The following EP300 variants were observed in gnomAD, a reference collection of about 807,000 sequenced individuals.
EP300 encodes the protein EP300 lysine acetyltransferase.
In EP300, 31 loss-of-function variants were observed where a neutral mutation model predicts 264.0. The observed-to-expected ratio is 0.12, with a 90% CI of 0.09 to 0.16. The LOEUF is 0.16. EP300 is among the 10% of genes least tolerant of loss of function. The pLI, the probability that EP300 is intolerant of heterozygous loss-of-function variation, is 1.00. For missense variants in EP300, 2,766 were observed against 3,052.9 expected (o/e 0.91, Z 2.21); for synonymous variants, 1,340 against 1,045.4 (o/e 1.28, Z -5.44).
intron 6 of EP300, among the ~76,000 whole-genome samples, chr22:41,132,751 T>G (rs2058927795): frequency 1.3e-5 from 2 of 152,138 alleles, no homozygotes; most frequent in Non-Finnish European, 2.9e-5. Flanking sequence ...TAGTGTGCCT[T>G]TTCAAATAGT....
At chr22:41,154,376 C>CTTTTTTTTTTTTTTTTTTTTTTTG in intron 16 of EP300, among the ~76,000 whole-genome samples, 1 of 61,792 alleles carries the variant, frequency 1.6e-5, no homozygotes, top group Non-Finnish European at 2.8e-5. Context: ...CTTGTGCACT[C>CTTTTTTTTTTTTTTTTTTTTTTTG]TTTTTTTTTT....
intron 14 of EP300, among the ~76,000 whole-genome samples, chr22:41,150,907 T>G (rs1023120350): frequency 6.7e-5 from 10 of 148,164 alleles, no homozygotes; most frequent in Admixed American, 3.3e-4. Context: ...AAAAAAAAAA[T>G]TGCAGATTTA....
Position 41,177,753 on chromosome 22 carries a change from CATG to C in EP300, c.6046_6048del (p.Met2016del), listed in dbSNP as rs1312637689. On this transcript the variant is annotated inframe_deletion, in exon 31 of 31. Transcript: ENST00000263253. ...TACAGTCTGGGATGCCAAGGCCAGC[CATG>C]ATGTCAGTGGCCCAGCATGGTCAAC... The C allele has an allele frequency of 6.2e-7, 1 of 1,613,940 alleles. No individual in the cohort carries two copies. Among genetic ancestry groups the C allele is most frequent in the Non-Finnish European group, 8.5e-7 (1 of 1,180,030 alleles).
chr22:41,121,445 T>C (rs551073336), intron 2 of EP300, among the ~76,000 whole-genome samples: 2 of 152,352 alleles, frequency 1.3e-5, no homozygotes, highest in African/African-American at 4.8e-5. Flanking sequence ...GGTTGGTTGG[T>C]ATTTTATTTT....
At chr22:41,098,369 T>G (rs1165642118) in intron 1 of EP300, among the ~76,000 whole-genome samples, 2 of 152,188 alleles carry the variant, frequency 1.3e-5, no homozygotes, top group African/African-American at 2.4e-5. Flanking sequence ...CCCAAAGCAA[T>G]TAGAAGTGAT....
intron 1 of EP300, among the ~76,000 whole-genome samples, chr22:41,095,534 C>G (rs889524735): frequency 6.6e-6 from 1 of 151,358 alleles, no homozygotes; most frequent in Non-Finnish European, 1.5e-5. Flanking sequence ...GCCAGAGGTA[C>G]CATTATATCT....
chr22:41,158,054 T>G (rs1490369860), intron 18 of EP300, among the ~76,000 whole-genome samples: 6 of 152,230 alleles, frequency 3.9e-5, no homozygotes, highest in Non-Finnish European at 8.8e-5. Flanking sequence ...ATTGGTTTTT[T>G]GTTTTTAAAA....
At chr22:41,167,584 G>GTGTATATATATATATATA (rs869093144) in intron 23 of EP300, among the ~76,000 whole-genome samples, 1 of 34,496 alleles carries the variant, frequency 2.9e-5, no homozygotes, top group Non-Finnish European at 4.8e-5. Context: ...GTGTGTGTGT[G>GTGTATATATATATATATA]TATATATATA....
At chr22:41,175,326 C>T (rs996436993) in intron 29 of EP300, among the ~76,000 whole-genome samples, 3 of 152,188 alleles carry the variant, frequency 2.0e-5, no homozygotes, top group Admixed American at 2.0e-4. Flanking sequence ...GTTATCAGTA[C>T]AGCAGTTTCT....
chr22:41,177,620 C>G lies in EP300; in HGVS notation c.5909C>G (p.Pro1970Arg), dbSNP rs746013036. Residue 1970 changes from proline (P) to arginine (R), a missense_variant, in exon 31 of 31, where the codon CCT becomes CGT. Pro to Arg is a moderately radical substitution (Grantham distance 103, BLOSUM62 -2). Transcript: ENST00000263253. ...TPMAPMGMNP[P>R]PMTRGPSGHL... is the part of the protein sequence containing the mutation. ...ATGGCCCCCATGGGTATGAACCCACCTCCCATGACCAGAGGTCCCAGTGGG... is the reference window on the plus strand; with the variant it reads ...ATGGCCCCCATGGGTATGAACCCACGTCCCATGACCAGAGGTCCCAGTGGG... The G allele has an allele frequency of 6.2e-7, 1 of 1,614,152 alleles. No individual in the cohort carries two copies. The highest frequency in any genetic ancestry group is 1.6e-4 in the Middle Eastern group (1 of 6,062).
chr22:41,103,263 C>T (rs937430286), intron 1 of EP300, among the ~76,000 whole-genome samples: 2 of 152,108 alleles, frequency 1.3e-5, no homozygotes, highest in Non-Finnish European at 2.9e-5. Context: ...GTTGGTGGTT[C>T]TTCTGAGTTG....
intron 7 of EP300, among the ~76,000 whole-genome samples, chr22:41,137,115 T>C (rs931920611): frequency 6.6e-6 from 1 of 151,958 alleles, no homozygotes; most frequent in Non-Finnish European, 1.5e-5. Context: ...TCTCAGCACT[T>C]TGGGAGGCCC....
intron 17 of EP300, among the ~76,000 whole-genome samples, chr22:41,155,512 G>A (rs1432233025): frequency 6.6e-6 from 1 of 152,130 alleles, no homozygotes; most frequent in Non-Finnish European, 1.5e-5. Context: ...GGAATTACAG[G>A]TGTGAGCCAC....
chr22:41,099,060 GGTT>G (rs955853148), intron 1 of EP300, among the ~76,000 whole-genome samples: 2 of 152,028 alleles, frequency 1.3e-5, no homozygotes, highest in African/African-American at 2.4e-5. Context: ...ATGGTTTGGG[GGTT>G]GTTTTTGTTT....
chr22:41,124,261 A>G (rs1035141247), intron 2 of EP300, among the ~76,000 whole-genome samples: 14 of 152,200 alleles, frequency 9.2e-5, no homozygotes, highest in Admixed American at 2.6e-4. Context: ...AGAGAAGTAC[A>G]TAAGGGTTGC....
rs142769483 is a variant in EP300, at chr22:41,151,931, T to C, written c.2916T>C (p.Pro972=). 37 of 1,614,128 alleles carry C rather than the reference T, an allele frequency of 2.3e-5. No individual in the cohort carries two copies. The African/African-American group carries it at 4.1e-4, about 18-fold the overall frequency. Residue 972 remains proline (P), a synonymous_variant, in exon 15 of 31, where the codon CCT becomes CCC. Transcript: ENST00000263253. Reference sequence around the variant, plus strand: ...CTCAGGCCATTGCTGAGAAGCAGCCTTCCCAGGAAGTGAAGATGGAGGCCA... The same window carrying C: ...CTCAGGCCATTGCTGAGAAGCAGCCCTCCCAGGAAGTGAAGATGGAGGCCA... The part of the protein sequence containing the change: ...VNSQAIAEKQ[P]SQEVKMEAKM...
At chr22:41,165,411 C>G (rs999629671) in intron 22 of EP300, among the ~76,000 whole-genome samples, 1 of 152,148 alleles carries the variant, frequency 6.6e-6, no homozygotes, top group Non-Finnish European at 1.5e-5. Context: ...TTTGTACATA[C>G]AATCATACAT....
intron 23 of EP300, among the ~76,000 whole-genome samples, chr22:41,167,975 C>G (rs765116566): frequency 2.8e-4 from 42 of 150,668 alleles, no homozygotes; most frequent in Non-Finnish European, 5.8e-4. Flanking sequence ...GCGTGCACCA[C>G]CATGCCTGGC....
At chr22:41,095,282 C>T (rs907587711) in intron 1 of EP300, among the ~76,000 whole-genome samples, 2 of 134,130 alleles carry the variant, frequency 1.5e-5, no homozygotes, top group African/African-American at 5.6e-5. Flanking sequence ...TTCTGTCACC[C>T]AGGCTGGAGT....
Sources: gnomAD v4.1 joint callset for allele counts (sites outside exome capture counted in the v4.1 genomes callset) on GRCh38, gnomAD v4.1.1 for gene constraint, MANE v1.5 for transcripts, NCBI Gene and HGNC (gene_info 2026-07-23, HGNC 2026-07-21) for gene names.